Variants in FER1L5 observed in about 807,000 individuals in gnomAD.
The protein encoded by FER1L5 is fer-1 like family member 5.
A neutral mutation model predicts 279.9 loss-of-function variants in FER1L5; 187 were observed. That is an observed-to-expected ratio of 0.67 (90% CI 0.59 to 0.75). The LOEUF (loss-of-function observed/expected upper bound fraction) is 0.75, where lower values mean the gene tolerates loss of function less well. Among genes scored for constraint, FER1L5 ranks in the 30% least tolerant of loss-of-function variants. FER1L5 has a pLI of 0.00. For synonymous variants in FER1L5, 921 were observed against 989.7 expected, an observed-to-expected ratio of 0.93 and a Z score of 1.30; for missense variants, 2,091 against 2,594.4, an observed-to-expected ratio of 0.81 and a Z score of 4.21.
intron 23 of FER1L5, 171 bp from the exon 24 acceptor site, chr2:96,687,645 G>A (rs2076980214): frequency 9.6e-7 from 1 of 1,044,500 alleles, no homozygotes; most frequent in Non-Finnish European, 1.4e-6. Context: ...CCACTCTGGA[G>A]GGCAGAACAG....
At chr2:96,675,370 A>G (rs1317252502) in intron 19 of FER1L5, among the ~76,000 whole-genome samples, 1 of 152,184 alleles carries the variant, frequency 6.6e-6, no homozygotes, top group Non-Finnish European at 1.5e-5. Flanking sequence ...GAGAGTTCCT[A>G]TTACTCTACC....
At chr2:96,674,840 A>C (rs1321234982) in intron 19 of FER1L5, among the ~76,000 whole-genome samples, 1 of 152,122 alleles carries the variant, frequency 6.6e-6, no homozygotes. Context: ...TAATAAAATG[A>C]GTACCCATGA....
intron 7 of FER1L5, chr2:96,653,377 C>T (rs1166912583): frequency 1.1e-5 from 5 of 463,684 alleles, no homozygotes; most frequent in Non-Finnish European, 1.5e-5. Flanking sequence ...GTTCAGCATT[C>T]GTAATAATGA....
intron 17 of FER1L5, among the ~76,000 whole-genome samples, chr2:96,669,413 C>T (rs1190294627): frequency 2.0e-5 from 3 of 152,086 alleles, no homozygotes; most frequent in Non-Finnish European, 2.9e-5. Flanking sequence ...GCGCGAAGGA[C>T]GGAGGACACA....
At chr2:96,699,236 C>T in intron 42 of FER1L5, 100 bp downstream of exon 42, 5 of 1,233,072 alleles carry the variant, frequency 4.1e-6, no homozygotes, top group Non-Finnish European at 5.8e-6. Flanking sequence ...CCTGTCCAGC[C>T]TCCAAGTTCC....
intron 5 of FER1L5, 135 bp from the exon 6 acceptor site, chr2:96,650,045 T>G (rs1297884668): frequency 4.3e-6 from 3 of 691,652 alleles, no homozygotes; most frequent in South Asian, 3.5e-5. Context: ...GGAGGACATA[T>G]GTCACTGTTG....
chr2:96,697,907 A>G lies in FER1L5; in HGVS notation c.4237-130A>G. ...CAGCTCCAGCTGCCACCCTGTCTGA[A>G]GCACACAGTGCTGGCCCCAGGGCCG... On this transcript the variant is annotated intron_variant, in intron 39 of 52. Coordinates refer to ENST00000624922, the MANE Select transcript of FER1L5 (RefSeq NM_001293083.2). 7 of 1,462,582 alleles carry G rather than the reference A, an allele frequency of 4.8e-6. No homozygotes were observed. In the South Asian group the frequency reaches 8.0e-5, roughly 17 times the overall value. 90.6% of individuals were successfully genotyped at this position (1,462,582 alleles called of 1,614,324 possible).
At chr2:96,671,128 A>AAAAAAAAAAAAAAAAAG (rs59325881) in intron 18 of FER1L5, among the ~76,000 whole-genome samples, 6 of 149,590 alleles carry the variant, frequency 4.0e-5, no homozygotes, top group Non-Finnish European at 7.4e-5. Flanking sequence ...AAAAAAAAAA[A>AAAAAAAAAAAAAAAAAG]GGAATCCCTG....
At chr2:96,684,512 T>TGGGAAACTGCATCACAGTGGC (rs1447925856) in intron 20 of FER1L5, 61 bp downstream of exon 20, 10 of 1,521,350 alleles carry the variant, frequency 6.6e-6, no homozygotes, top group Admixed American at 4.1e-5. Flanking sequence ...CTGGGAGACT[T>TGGGAAACTGCATCACAGTGGC]GGGAAACTGC....
In FER1L5 at chr2:96,695,506, T is replaced by A; in HGVS notation, c.3742-3T>A. The A allele has an allele frequency of 6.3e-7, 1 of 1,580,496 alleles. No homozygotes were observed. The highest frequency in any genetic ancestry group is 8.6e-7 in the Non-Finnish European group (1 of 1,165,158). The stretch of plus-strand genomic sequence containing the variant: ...GTCCTGCCCTCCTTCTTTGTTCTGG[T>A]AGATCCTGGCCTGGGGCCTTCGGAA... On this transcript the variant is annotated splice_polypyrimidine_tract_variant and splice_region_variant and intron_variant, in intron 34 of 52. Transcript: ENST00000624922.
rs1337394937 is a variant in FER1L5, at chr2:96,693,919, G to A, written c.3483G>A (p.Glu1161=). 4 of 1,549,584 alleles carry A rather than the reference G, an allele frequency of 2.6e-6. No homozygotes were observed. The highest frequency in any genetic ancestry group is 2.6e-6 in the Non-Finnish European group (3 of 1,146,042). ...ELWQRDFWGK[E]SLWGRSVWPP... is the part of the protein sequence containing the mutation. ...GAACTTCCCCCCTCCAGGGCAAGGA[G>A]AGCTTGTGGGGACGGAGCGTGTGGC... The change falls in exon 33 of 53, where the codon GAG becomes GAA. Residue 1161 remains glutamate (E), a synonymous_variant. Coordinates refer to ENST00000624922, the MANE Select transcript of FER1L5 (RefSeq NM_001293083.2).
At chr2:96,658,633 A>G (rs1045172902) in intron 9 of FER1L5, among the ~76,000 whole-genome samples, 3 of 152,138 alleles carry the variant, frequency 2.0e-5, no homozygotes, top group African/African-American at 7.2e-5. Flanking sequence ...GTACATGCCC[A>G]CCAGTAGTGT....
chr2:96,682,575 A>G (rs2076769653), intron 19 of FER1L5, among the ~76,000 whole-genome samples: 1 of 152,134 alleles, frequency 6.6e-6, no homozygotes, highest in African/African-American at 2.4e-5. Flanking sequence ...ACTTTCTTGG[A>G]ACTTTGTGGG....
rs532930381 is a variant in FER1L5 at position 96,687,633 on chromosome 2, C to T, written c.2230-183C>T. On this transcript the variant is annotated intron_variant, in intron 23 of 52. Transcript: ENST00000624922. ...CTTCATGGCTCCCAGGGTGGAGCCA[C>T]CCCACTCTGGAGGGCAGAACAGAAC... is the stretch of plus-strand genomic sequence containing the variant. 30 of 922,582 alleles carry T rather than the reference C, an allele frequency of 3.3e-5. 1 individual carries two copies. In the African/African-American group the frequency reaches 4.4e-4, roughly 13 times the overall value. The allele number at this position is 922,582 out of a possible 1,614,324, so 57.1% of individuals were successfully genotyped here. A position where few individuals can be genotyped will look rare whatever the true frequency, so the allele number is the denominator to read the frequency against.
intron 14 of FER1L5, among the ~76,000 whole-genome samples, chr2:96,667,910 G>T (rs2076185254): frequency 6.6e-6 from 1 of 152,086 alleles, no homozygotes; most frequent in Non-Finnish European, 1.5e-5. Flanking sequence ...ACCCAGGTTG[G>T]AGTGCAGTGG....
intron 24 of FER1L5, chr2:96,688,889 G>A: frequency 3.8e-6 from 1 of 266,246 alleles, no homozygotes; most frequent in South Asian, 4.5e-5. Flanking sequence ...CACTCTCCCT[G>A]CTGAGCACTC....
At chr2:96,690,430 A>AGGGC in intron 26 of FER1L5, 57 bp from the exon 27 acceptor site, 1 of 1,472,064 alleles carries the variant, frequency 6.8e-7, no homozygotes. Flanking sequence ...AGAGGGAGGG[A>AGGGC]GGGCAGCCTC....
intron 19 of FER1L5, among the ~76,000 whole-genome samples, chr2:96,679,230 T>G (rs1346653947): frequency 6.7e-6 from 1 of 149,184 alleles, no homozygotes; most frequent in Non-Finnish European, 1.5e-5. Flanking sequence ...CACCTATAGT[T>G]TTTTTTTTTT....
At chr2:96,659,498 T>C (rs866122851) in intron 9 of FER1L5, among the ~76,000 whole-genome samples, 1 of 48,626 alleles carries the variant, frequency 2.1e-5, no homozygotes. Flanking sequence ...TCTTTCTTTC[T>C]TTCTTTCTTT....
Sources: gnomAD v4.1 joint callset for allele counts (sites outside exome capture counted in the v4.1 genomes callset) on GRCh38, gnomAD v4.1.1 for gene constraint, MANE v1.5 for transcripts, NCBI Gene and HGNC (gene_info 2026-07-23, HGNC 2026-07-21) for gene names.